The following MSX2 variants were observed in gnomAD, a reference collection of about 807,000 sequenced individuals.
MSX2 encodes the protein msh homeobox 2, also known as homeobox protein MSX-2.
Under a neutral mutation model 18.4 loss-of-function variants are expected in MSX2, and 10 were observed. The ratio of observed to expected loss-of-function variants is 0.54; its 90% CI spans 0.34 to 0.92. MSX2 has a LOEUF of 0.92. MSX2 is among the 40% of genes least tolerant of loss of function. The pLI is 0.02. For missense variants in MSX2, 339 were observed against 364.0 expected (o/e 0.93, Z 0.56); for synonymous variants, 170 against 165.6 (o/e 1.03, Z -0.20).
At chr5:174,726,034 A>G (rs4868442) in intron 1 of MSX2, among the ~76,000 whole-genome samples, 81,899 of 152,022 alleles carry the variant, frequency 0.54, 23,619 homozygotes, top group East Asian at 0.78. Context: ...GAGACTAGGT[A>G]GAGATCCGCA....
chr5:174,725,183 G>A lies in MSX2; in HGVS notation c.379+145G>A, dbSNP rs868323818. 1.4e-5 allele frequency: 19 copies of A among 1,325,322 alleles called. No homozygotes were observed. The Middle Eastern group carries it at 1.2e-3, about 82-fold the overall frequency. The allele number at this position is 1,325,322 out of a possible 1,614,324, so 82.1% of individuals were successfully genotyped here. On this transcript the variant is annotated intron_variant, in intron 1 of 1. Transcript: ENST00000239243. ...CAAGCCCAGGGCCTCTGGACTCCTG[G>A]GTGCCCGGGGCGTTCGGCGCGCCCA...
Position 174,729,518 on chromosome 5 carries a change from C to G in MSX2, c.739C>G (p.Leu247Val). 1 of 1,613,882 alleles carries G rather than the reference C, an allele frequency of 6.2e-7. No homozygotes were observed. The highest frequency in any genetic ancestry group is 1.3e-5 in the African/African-American group (1 of 75,058). ...GASYPFHRPVLPIPPVGLYAT... is the reference protein window; with the variant it reads ...GASYPFHRPVVPIPPVGLYAT... ...ATCCTACCCGTTCCATAGACCTGTG[C>G]TTCCCATCCCGCCTGTGGGACTCTA... is the stretch of plus-strand genomic sequence containing the variant. The change falls in exon 2 of 2, where the codon CTT becomes GTT. Residue 247 changes from leucine to valine, a missense_variant. Leu to Val is a conservative substitution (Grantham distance 32). This residue lies in a region of MSX2 where 128 missense variants were observed against 178.6 expected (regional missense o/e 0.72). Transcript: ENST00000239243.
intron 1 of MSX2, among the ~76,000 whole-genome samples, chr5:174,728,739 C>T (rs1760855551): frequency 1.3e-5 from 2 of 152,134 alleles, no homozygotes; most frequent in Admixed American, 1.3e-4. Flanking sequence ...ATTCCCTTGT[C>T]TTACATTAAA....
In MSX2 at chr5:174,724,851, G is replaced by T. The variant is rs772785766; in HGVS notation, c.192G>T (p.Pro64=). 6.4e-7 allele frequency: 1 copy of T among 1,552,094 alleles called. No individual in the cohort carries two copies. The highest frequency in any genetic ancestry group is 1.2e-5 in the South Asian group (1 of 84,410). ...SDKKPPKEAS[P]LPAESASAGA... ...AGAAGCCGCCCAAGGAGGCGTCCCCGCTGCCGGCCGAAAGCGCCTCGGCCG... is the reference window on the plus strand; with the variant it reads ...AGAAGCCGCCCAAGGAGGCGTCCCCTCTGCCGGCCGAAAGCGCCTCGGCCG... Residue 64 remains proline, a synonymous_variant, in exon 1 of 2, where the codon CCG becomes CCT. Transcript: ENST00000239243.
chr5:174,725,102 T>A (rs776337394), intron 1 of MSX2, 64 bp downstream of exon 1: 1 of 1,582,648 alleles, frequency 6.3e-7, no homozygotes, highest in East Asian at 2.3e-5. Context: ...GGGGGGCGGG[T>A]GTTCCAGGGC....
At chr5:174,727,983 T>C (rs12522983) in intron 1 of MSX2, among the ~76,000 whole-genome samples, 4,291 of 152,272 alleles carry the variant, frequency 0.028, 130 homozygotes, top group East Asian at 0.13. Context: ...GAAAATTAAT[T>C]GTTAAGTATT....
intron 1 of MSX2, among the ~76,000 whole-genome samples, chr5:174,725,369 C>T (rs1045246635): frequency 6.6e-6 from 1 of 152,186 alleles, no homozygotes; most frequent in African/African-American, 2.4e-5. Context: ...GCGCTCTGGC[C>T]ACTTGGCTTG....
chr5:174,724,654 G>A lies in MSX2; in HGVS notation c.-6G>A, dbSNP rs772580584. 6.3e-7 allele frequency: 1 copy of A among 1,586,128 alleles called. No individual in the cohort carries two copies. Among genetic ancestry groups the A allele is most frequent in the Non-Finnish European group, 8.6e-7 (1 of 1,167,236 alleles). On this transcript the variant is annotated 5_prime_UTR_variant, in exon 1 of 2. Coordinates refer to ENST00000239243, the MANE Select transcript of MSX2 (RefSeq NM_002449.5). Reference sequence around the variant, plus strand: ...CGCGTCGGGAGCTACGTAGGGCAGAGAAGTCATGGCTTCTCCGTCCAAAGG... The same window carrying A: ...CGCGTCGGGAGCTACGTAGGGCAGAAAAGTCATGGCTTCTCCGTCCAAAGG...
chr5:174,727,062 CAAAAAAACA>C (rs1233733974), intron 1 of MSX2, among the ~76,000 whole-genome samples: 1 of 106,208 alleles, frequency 9.4e-6, no homozygotes, highest in Non-Finnish European at 2.3e-5. Context: ...TAAAAAAAAA[CAAAAAAACA>C]AAAAAAAAAC....
chr5:174,725,730 G>T (rs771315307), intron 1 of MSX2, among the ~76,000 whole-genome samples: 11 of 152,162 alleles, frequency 7.2e-5, no homozygotes, highest in African/African-American at 2.7e-4. Flanking sequence ...GGCCAGAAGC[G>T]CACGGGCTCT....
intron 1 of MSX2, among the ~76,000 whole-genome samples, chr5:174,725,459 C>G (rs1330165649): frequency 6.6e-6 from 1 of 152,138 alleles, no homozygotes; most frequent in Non-Finnish European, 1.5e-5. Flanking sequence ...CTTGGATGTA[C>G]CAGGAACGAG....
Position 174,724,845 on chromosome 5 carries a change from G to A in MSX2, c.186G>A (p.Ala62=). 1.3e-6 allele frequency: 2 copies of A among 1,551,540 alleles called. No homozygotes were observed. Among genetic ancestry groups the A allele is most frequent in the Non-Finnish European group, 1.7e-6 (2 of 1,147,872 alleles). ...CCGACAAGAAGCCGCCCAAGGAGGC[G>A]TCCCCGCTGCCGGCCGAAAGCGCCT... ...LMSDKKPPKE[A]SPLPAESASA... Residue 62 remains alanine, a synonymous_variant, in exon 1 of 2, where the codon GCG becomes GCA. Transcript: ENST00000239243.
At chr5:174,728,217 T>C (rs1438613448) in intron 1 of MSX2, among the ~76,000 whole-genome samples, 1 of 152,188 alleles carries the variant, frequency 6.6e-6, no homozygotes, top group Non-Finnish European at 1.5e-5. Context: ...ATAGAATGGG[T>C]AGAGGGGATG....
chr5:174,725,836 AC>A (rs1747719809), intron 1 of MSX2, among the ~76,000 whole-genome samples: 1 of 151,966 alleles, frequency 6.6e-6, no homozygotes, highest in Admixed American at 6.6e-5. Context: ...CCTCACTAGA[AC>A]CCCCAAGTGT....
At chr5:174,725,193 G>GCCCC in intron 1 of MSX2, 155 bp downstream of exon 1, 1 of 1,222,006 alleles carries the variant, frequency 8.2e-7, no homozygotes. Context: ...GGTGCCCGGG[G>GCCCC]CGTTCGGCGC....
intron 1 of MSX2, 87 bp from the exon 2 acceptor site, chr5:174,729,072 A>T: frequency 7.2e-7 from 1 of 1,382,006 alleles, no homozygotes; most frequent in Non-Finnish European, 1.0e-6. Context: ...GAAAAAACCT[A>T]GAGAGATGAC....
rs575857035 is a variant in MSX2 at position 174,728,235 on chromosome 5, T to C, written c.380-924T>C. Among the ~76,000 whole-genome samples the C allele has an allele frequency of 1.6e-3, 240 of 152,350 alleles. 2 individuals are homozygous for C. The highest frequency in any genetic ancestry group is 5.5e-3 in the African/African-American group (229 of 41,592). On this transcript the variant is annotated intron_variant, in intron 1 of 1. Transcript: ENST00000239243. Reference sequence around the variant, plus strand: ...GAATGGGTAGAGGGGATGACTAAGATGTCATCACGTGCTCTCAATTTGGAG... The same window carrying C: ...GAATGGGTAGAGGGGATGACTAAGACGTCATCACGTGCTCTCAATTTGGAG...
intron 1 of MSX2, among the ~76,000 whole-genome samples, chr5:174,728,475 T>G (rs1233489554): frequency 6.6e-6 from 1 of 152,244 alleles, no homozygotes; most frequent in Non-Finnish European, 1.5e-5. Flanking sequence ...AAGATGCTAT[T>G]AATTTACCAC....
At position 174,724,789 on chromosome 5, in the gene MSX2, A is replaced by T; in HGVS notation, c.130A>T (p.Ser44Cys). 1.3e-6 allele frequency: 2 copies of T among 1,554,900 alleles called. No individual in the cohort carries two copies. Among genetic ancestry groups the T allele is most frequent in the Non-Finnish European group, 1.7e-6 (2 of 1,149,856 alleles). The change falls in exon 1 of 2, where the codon AGC becomes TGC. Residue 44 changes from serine to cysteine, a missense_variant. Transcript: ENST00000239243. ...GGAGGAGCGCCGCGTCAAGGTCTCC[A>T]GCCTGCCCTTCAGCGTGGAGGCGCT... ...AAEERRVKVS[S>C]LPFSVEALMS...
Sources: allele counts gnomAD v4.1 joint callset (sites outside exome capture counted in the v4.1 genomes callset), GRCh38; gene constraint gnomAD v4.1.1; regional missense constraint gnomAD v4.1.1; transcripts MANE v1.5; gene names NCBI Gene and HGNC (gene_info 2026-07-23, HGNC 2026-07-21).